Variants in ENAH observed in about 807,000 individuals in gnomAD.
ENAH encodes the protein ENAH actin regulator, also known as protein enabled homolog.
ENAH carries 23 observed loss-of-function variants against 78.7 expected under a neutral mutation model. The ratio of observed to expected loss-of-function variants is 0.29; its 90% CI spans 0.21 to 0.41. The LOEUF is 0.41. Ranked by LOEUF, ENAH falls within the 10% of genes least tolerant of loss-of-function variation. The pLI is 1.00. For synonymous variants in ENAH, 226 were observed against 241.0 expected (o/e 0.94, Z 0.58); for missense variants, 544 against 691.0 (o/e 0.79, Z 2.39).
At chr1:225,649,658 T>C (rs181855346) in intron 1 of ENAH, among the ~76,000 whole-genome samples, 80 of 152,322 alleles carry the variant, frequency 5.3e-4, no homozygotes, top group African/African-American at 1.8e-3. Flanking sequence ...ATTTTTTAAA[T>C]ATTCATCTTT....
chr1:225,571,852 A>G lies in ENAH; in HGVS notation c.6-4438T>C, dbSNP rs191482177. On this transcript the variant is annotated intron_variant, in intron 1 of 13. Coordinates refer to ENST00000366843, the MANE Select transcript of ENAH (RefSeq NM_018212.6). Reference sequence around the variant, plus strand: ...AGAGTCGCACTTGGAAAGGGCAGGAAAAGACTCAACCCCCGCACCCTCACA... The same window carrying G: ...AGAGTCGCACTTGGAAAGGGCAGGAGAAGACTCAACCCCCGCACCCTCACA... Among the ~76,000 whole-genome samples the G allele has an allele frequency of 1.5e-4, 23 of 152,288 alleles. 1 individual carries two copies. Among genetic ancestry groups the G allele is most frequent in the African/African-American group, 5.5e-4 (23 of 41,562 alleles).
intron 1 of ENAH, among the ~76,000 whole-genome samples, chr1:225,595,379 A>C (rs1335310699): frequency 6.6e-6 from 1 of 152,126 alleles, no homozygotes; most frequent in East Asian, 1.9e-4. Context: ...TGAAGTTGGT[A>C]ATGCAATTTA....
At chr1:225,615,199 C>T (rs1362345587) in intron 1 of ENAH, among the ~76,000 whole-genome samples, 3 of 152,344 alleles carry the variant, frequency 2.0e-5, no homozygotes, top group Non-Finnish European at 2.9e-5. Context: ...CGCGCCGCCA[C>T]GCCTGACTGG....
chr1:225,521,130 C>A (rs988403055), intron 4 of ENAH, among the ~76,000 whole-genome samples: 2 of 151,996 alleles, frequency 1.3e-5, no homozygotes, highest in South Asian at 4.1e-4. Context: ...TAATAATATT[C>A]GATTATTTTG....
intron 1 of ENAH, among the ~76,000 whole-genome samples, chr1:225,583,269 T>G (rs2096828232): frequency 6.6e-6 from 1 of 151,434 alleles, no homozygotes; most frequent in South Asian, 2.1e-4. Context: ...AAACCTCATC[T>G]CTACAAAAAT....
intron 1 of ENAH, among the ~76,000 whole-genome samples, chr1:225,637,863 C>T (rs1314833088): frequency 6.6e-6 from 1 of 152,118 alleles, no homozygotes; most frequent in African/African-American, 2.4e-5. Flanking sequence ...TTCCAGGTTG[C>T]AGTGAGCTAT....
At position 225,530,557 on chromosome 1, in the gene ENAH, CTTTGA is replaced by C; in HGVS notation, c.426_430del (p.Ile142MetfsTer131). ...AAACAATAACTTGAAAATTTACCTT[CTTTGA>C]ATTTCCAATTCTTCTTGGGATGGGC... On this transcript the variant is annotated frameshift_variant, in exon 4 of 14. Coordinates refer to ENST00000366843, the MANE Select transcript of ENAH (RefSeq NM_018212.6). LOFTEE classifies it high-confidence loss of function. 6.2e-7 allele frequency: 1 copy of C among 1,610,772 alleles called. No individual in the cohort carries two copies. The highest frequency in any genetic ancestry group is 8.5e-7 in the Non-Finnish European group (1 of 1,177,244).
At chr1:225,500,918 C>T (rs1480313423) in intron 12 of ENAH, 74 bp downstream of exon 12, 1 of 1,330,232 alleles carries the variant, frequency 7.5e-7, no homozygotes, top group African/African-American at 1.5e-5. Context: ...GGATCCATGT[C>T]AAAGATATGC....
intron 1 of ENAH, among the ~76,000 whole-genome samples, chr1:225,608,844 AG>A (rs1277212104): frequency 1.5e-5 from 2 of 135,002 alleles, no homozygotes; most frequent in Non-Finnish European, 3.2e-5. Context: ...AAAAAAAAGG[AG>A]GGGGGTCTTG....
At chr1:225,517,626 G>C in intron 5 of ENAH, 1 of 1,550,548 alleles carries the variant, frequency 6.4e-7, no homozygotes, top group Non-Finnish European at 8.7e-7. Flanking sequence ...ATGGAGGGAG[G>C]GGCGAAAAAT....
At chr1:225,585,052 T>C (rs960922352) in intron 1 of ENAH, among the ~76,000 whole-genome samples, 3 of 151,320 alleles carry the variant, frequency 2.0e-5, no homozygotes, top group African/African-American at 4.9e-5. Flanking sequence ...ATATCTCTAC[T>C]AAAAATACAA....
At chr1:225,607,998 A>G (rs1190477550) in intron 1 of ENAH, among the ~76,000 whole-genome samples, 1 of 152,142 alleles carries the variant, frequency 6.6e-6, no homozygotes, top group Admixed American at 6.6e-5. Flanking sequence ...CAAACATTTA[A>G]GAAAACCTTT....
intron 1 of ENAH, among the ~76,000 whole-genome samples, chr1:225,610,452 G>T (rs1461004529): frequency 6.6e-6 from 1 of 151,916 alleles, no homozygotes; most frequent in Non-Finnish European, 1.5e-5. Context: ...AAATATTGGG[G>T]GATACTCTTA....
chr1:225,561,953 C>T (rs1468478292), intron 2 of ENAH, among the ~76,000 whole-genome samples: 2 of 152,140 alleles, frequency 1.3e-5, no homozygotes, highest in Non-Finnish European at 2.9e-5. Flanking sequence ...CTTTTATGCC[C>T]TCACTGTGCT....
intron 3 of ENAH, among the ~76,000 whole-genome samples, chr1:225,532,819 TA>T (rs890758125): frequency 8.5e-5 from 13 of 152,114 alleles, no homozygotes; most frequent in South Asian, 6.2e-4. Context: ...ATCATAATTA[TA>T]AAAAAAATTT....
chr1:225,585,212 T>C (rs2096839369), intron 1 of ENAH, among the ~76,000 whole-genome samples: 2 of 49,400 alleles, frequency 4.0e-5, no homozygotes, highest in Admixed American at 3.9e-4. Flanking sequence ...TGATACCCTG[T>C]CTCAAAAAAA....
intron 3 of ENAH, among the ~76,000 whole-genome samples, chr1:225,542,496 T>C (rs944026922): frequency 6.6e-6 from 1 of 152,198 alleles, no homozygotes; most frequent in Non-Finnish European, 1.5e-5. Flanking sequence ...GGGAATCCTA[T>C]TGCCCTTGCC....
intron 2 of ENAH, among the ~76,000 whole-genome samples, chr1:225,563,290 G>A (rs910895438): frequency 2.0e-5 from 3 of 152,030 alleles, no homozygotes; most frequent in South Asian, 4.2e-4. Context: ...CTTAAACTTT[G>A]TATGGCTAGG....
intron 1 of ENAH, among the ~76,000 whole-genome samples, chr1:225,651,490 T>C (rs769224847): frequency 1.3e-5 from 2 of 152,184 alleles, no homozygotes; most frequent in Non-Finnish European, 2.9e-5. Flanking sequence ...GCGAAGGAAT[T>C]TGTAGATTAT....
Sources: gnomAD v4.1 joint callset for allele counts (sites outside exome capture counted in the v4.1 genomes callset) on GRCh38, gnomAD v4.1.1 for gene constraint, MANE v1.5 for transcripts, NCBI Gene and HGNC (gene_info 2026-07-23, HGNC 2026-07-21) for gene names.